The following KRTAP4-9 variants were observed in gnomAD, a reference collection of about 807,000 sequenced individuals.
KRTAP4-9 encodes keratin-associated protein 4-9.
In KRTAP4-9, 4 loss-of-function variants were observed where a neutral mutation model predicts 4.3. The observed-to-expected ratio is 0.94, with a 90% CI of 0.46 to 2.15. The LOEUF (loss-of-function observed/expected upper bound fraction) is 2.15. Ranked by LOEUF, KRTAP4-9 falls within the 30% of genes most tolerant of loss-of-function variation. The probability of loss-of-function intolerance (pLI) is 0.02; values close to 1 mark genes in which losing one functional copy is unlikely to be tolerated. For missense variants in KRTAP4-9, 297 were observed against 278.5 expected, an observed-to-expected ratio of 1.07 and a Z score of -0.47; for synonymous variants, 111 against 99.2, an observed-to-expected ratio of 1.12 and a Z score of -0.70.
chr17:41,105,750 T>G (rs2014075506), exon 1 of KRTAP4-9: 1 of 1,586,846 alleles, frequency 6.3e-7, no homozygotes. Context: ...AGGTGCTGCA[T>G]CTCCAGCTGC....
In KRTAP4-9 at chr17:41,106,175, C is replaced by A. The variant is rs149999323; in HGVS notation, c.*154C>A. ...TGAGCCCATCACCATTTCACTGACT[C>A]TTTGAGAACATTCTGATTCATTTTA... On this transcript the variant is annotated 3_prime_UTR_variant, in exon 1 of 1. Coordinates refer to ENST00000391415, the Ensembl canonical transcript of KRTAP4-9. 231 of 1,300,344 alleles carry A rather than the reference C, an allele frequency of 1.8e-4. 1 individual carries two copies. The East Asian group carries it at 3.5e-3, about 20-fold the overall frequency. 80.6% of individuals were successfully genotyped at this position (1,300,344 alleles called of 1,614,324 possible).
chr17:41,105,681 C>T (rs7207685), exon 1 of KRTAP4-9: 1,145,971 of 1,607,628 alleles, frequency 0.71, 413,578 homozygotes, highest in African/African-American at 0.91. Context: ...TGCCAGCCTG[C>T]GTGCTGCCAA....
exon 1 of KRTAP4-9, chr17:41,106,044 C>T (rs566129263): frequency 2.8e-5 from 43 of 1,556,950 alleles, no homozygotes; most frequent in Non-Finnish European, 3.6e-5. Flanking sequence ...GGCTTATCTC[C>T]CCCTTCACCA....
chr17:41,105,572 C>A (rs756428118), exon 1 of KRTAP4-9: 9 of 1,569,934 alleles, frequency 5.7e-6, no homozygotes, highest in South Asian at 1.1e-5. Context: ...GTGCTGCCAA[C>A]CCACTTGTTC....
At chr17:41,105,575 A>C in exon 1 of KRTAP4-9, 1 of 1,568,294 alleles carries the variant, frequency 6.4e-7, no homozygotes, top group Non-Finnish European at 8.5e-7. Flanking sequence ...CTGCCAACCC[A>C]CTTGTTCCCG....
chr17:41,105,462 G>A (rs1174724612), exon 1 of KRTAP4-9: 2 of 1,611,110 alleles, frequency 1.2e-6, no homozygotes, highest in African/African-American at 2.7e-5. Flanking sequence ...GAGACCTGCT[G>A]CCGCCCCAGC....
exon 1 of KRTAP4-9, chr17:41,105,963 C>T: frequency 2.5e-6 from 4 of 1,602,520 alleles, no homozygotes; most frequent in Non-Finnish European, 3.4e-6. Context: ...TGCTATCGCC[C>T]AACCTGTGTC....
At chr17:41,105,502 C>T in exon 1 of KRTAP4-9, 3 of 1,566,764 alleles carry the variant, frequency 1.9e-6, no homozygotes, top group Non-Finnish European at 2.6e-6. Context: ...GCAGGACCAC[C>T]TGCTGCCGCC....
rs748527695 is a variant in KRTAP4-9 at position 41,105,623 on chromosome 17, T to A, written c.235T>A (p.Cys79Ser). 6.9e-6 allele frequency: 11 copies of A among 1,597,584 alleles called. No individual in the cohort carries two copies. The East Asian group carries it at 1.7e-4, about 24-fold the overall frequency. ...TCAGACCACCTGTTGCAGGACCACC[T>A]GCTACCGCCCCAGCTGTTGTGTGTC... Residue 79 changes from cysteine to serine, a missense_variant, in exon 1 of 1, where the codon TGC becomes AGC. By Grantham distance (112) the Cys-to-Ser change is moderately radical. Coordinates refer to ENST00000391415, the Ensembl canonical transcript of KRTAP4-9.
rs756953992 is a variant in KRTAP4-9 at position 41,105,960 on chromosome 17, G to T, written c.572G>T (p.Arg191Leu). Residue 191 changes from arginine to leucine, a missense_variant, in exon 1 of 1, where the codon CGC becomes CTC. Coordinates refer to ENST00000391415, the Ensembl canonical transcript of KRTAP4-9. ...GTCTCCTGCCACACCACTTGCTATC[G>T]CCCAACCTGTGTCATCTCCAGCTGC... 6.9e-6 allele frequency: 11 copies of T among 1,603,070 alleles called. No homozygotes were observed. The South Asian group carries it at 1.2e-4, about 18-fold the overall frequency.
At chr17:41,106,240 C>A (rs2014090380) in exon 1 of KRTAP4-9, 1 of 818,900 alleles carries the variant, frequency 1.2e-6, no homozygotes, top group East Asian at 2.8e-5. Context: ...GGTGGTGGCA[C>A]CAAATGTGAA....
chr17:41,105,422 G>A (rs1297861662), exon 1 of KRTAP4-9: 2 of 1,611,834 alleles, frequency 1.2e-6, no homozygotes, highest in South Asian at 2.2e-5. Flanking sequence ...CGTGTGCTCT[G>A]ACCAGGGCTG....
chr17:41,105,891 G>A (rs1597985226), exon 1 of KRTAP4-9: 2 of 1,599,238 alleles, frequency 1.3e-6, no homozygotes, highest in Non-Finnish European at 8.5e-7. Context: ...TGTGAATCCA[G>A]CTGCTGCCGC....
rs765170522 is a variant in KRTAP4-9 at position 41,105,553 on chromosome 17, C to G, written c.165C>G (p.Cys55Trp). The G allele has an allele frequency of 2.1e-5, 33 of 1,570,258 alleles. 1 individual carries two copies. Among genetic ancestry groups the G allele is most frequent in the Non-Finnish European group, 2.5e-5 (29 of 1,170,062 alleles). Residue 55 changes from cysteine to tryptophan, a missense_variant, in exon 1 of 1, where the codon TGC becomes TGG. Physicochemically the swap from Cys to Trp is radical, Grantham distance 215 (BLOSUM62 -2). Coordinates refer to ENST00000391415, the Ensembl canonical transcript of KRTAP4-9. Reference sequence around the variant, plus strand: ...CCAGCTGCTGCAGGCCCCAGTGCTGCCAGTCTGTGTGCTGCCAACCCACTT... The same window carrying G: ...CCAGCTGCTGCAGGCCCCAGTGCTGGCAGTCTGTGTGCTGCCAACCCACTT...
exon 1 of KRTAP4-9, chr17:41,106,201 A>C (rs1157696447): frequency 3.5e-6 from 4 of 1,151,550 alleles, no homozygotes; most frequent in Admixed American, 6.2e-5. Context: ...ATTCATTTTA[A>C]ACTCCCTCCC....
chr17:41,105,797 C>T (rs779680132), exon 1 of KRTAP4-9: 1 of 1,611,278 alleles, frequency 6.2e-7, no homozygotes. Flanking sequence ...CTGCTGCAAG[C>T]CCCAGTGCTG....
At chr17:41,105,664 C>G (rs564906774) in exon 1 of KRTAP4-9, 1 of 1,565,818 alleles carries the variant, frequency 6.4e-7, no homozygotes, top group African/African-American at 1.4e-5. Flanking sequence ...GCTGCAGGCC[C>G]CAGTGCTGCC....
At chr17:41,106,141 T>C in exon 1 of KRTAP4-9, 2 of 1,427,896 alleles carry the variant, frequency 1.4e-6, no homozygotes, top group South Asian at 3.0e-5. Flanking sequence ...ATGGAACTCA[T>C]GTTTCCAATG....
At chr17:41,105,937 C>T (rs1214204336) in exon 1 of KRTAP4-9, 3 of 1,605,438 alleles carry the variant, frequency 1.9e-6, no homozygotes, top group Non-Finnish European at 2.6e-6. Context: ...GTGGCCGAGT[C>T]TCCTGCCACA....
Sources: gnomAD v4.1 joint callset for allele counts on GRCh38, gnomAD v4.1.1 for gene constraint, MANE v1.5 for transcripts, NCBI Gene and HGNC (gene_info 2026-07-23, HGNC 2026-07-21) for gene names.